Variants in TMOD3 observed in about 807,000 individuals in gnomAD.
TMOD3 encodes tropomodulin-3.
Under a neutral mutation model 39.2 loss-of-function variants are expected in TMOD3, and 20 were observed. The ratio of observed to expected loss-of-function variants is 0.51; its 90% CI spans 0.36 to 0.74. The LOEUF (loss-of-function observed/expected upper bound fraction) is 0.74. Among genes scored for constraint, TMOD3 ranks in the 30% least tolerant of loss-of-function variants. TMOD3 has a pLI of 0.00. For missense variants in TMOD3, 381 were observed against 412.8 expected, an observed-to-expected ratio of 0.92 and a Z score of 0.67; for synonymous variants, 143 against 145.8, an observed-to-expected ratio of 0.98 and a Z score of 0.14.
chr15:51,887,896 C>G lies in TMOD3; in HGVS notation c.406+185C>G, dbSNP rs553838902. On this transcript the variant is annotated intron_variant, in intron 4 of 9. Transcript: ENST00000308580. ...GTAAAGAGTTTCATTTCTCTAAATA[C>G]TCTCAATAGCAAAATGTTTATATTA... is the stretch of plus-strand genomic sequence containing the variant. Among the ~76,000 whole-genome samples the G allele has an allele frequency of 1.7e-4, 26 of 152,326 alleles. 1 individual carries two copies. The East Asian group carries it at 3.3e-3, about 19-fold the overall frequency.
chr15:51,910,096 T>C lies in TMOD3; in HGVS notation c.*1286T>C, dbSNP rs1212548374. On this transcript the variant is annotated 3_prime_UTR_variant, in exon 10 of 10. Coordinates refer to ENST00000308580, the MANE Select transcript of TMOD3 (RefSeq NM_014547.5). The stretch of plus-strand genomic sequence containing the variant: ...TCTGGACTTGTATTCATGTTCTGTC[T>C]CAGGGCAGCCCCTGGAGCAGGAGAT... 1.3e-5 allele frequency: 2 copies of C among 152,264 alleles called. No homozygotes were observed. The highest frequency in any genetic ancestry group is 2.9e-5 in the Non-Finnish European group (2 of 68,106). The allele number at this position is 152,264 out of a possible 1,614,324, so 9.4% of individuals were successfully genotyped here. A position where few individuals can be genotyped will look rare whatever the true frequency, so the allele number is the denominator to read the frequency against.
chr15:51,889,771 G>A (rs567949475), intron 5 of TMOD3, among the ~76,000 whole-genome samples: 1 of 152,258 alleles, frequency 6.6e-6, no homozygotes, highest in African/African-American at 2.4e-5. Context: ...GAGGCTGAGG[G>A]GAGGATGGCT....
intron 1 of TMOD3, among the ~76,000 whole-genome samples, chr15:51,851,531 T>C (rs2056361929): frequency 2.6e-5 from 4 of 152,210 alleles, no homozygotes; most frequent in Admixed American, 2.0e-4. Context: ...TTGATTATCA[T>C]TATTATGGGT....
At chr15:51,887,262 TA>T (rs1294095318) in intron 3 of TMOD3, among the ~76,000 whole-genome samples, 6 of 144,102 alleles carry the variant, frequency 4.2e-5, no homozygotes, top group African/African-American at 1.3e-4. Context: ...TTTTTTTTTT[TA>T]ATCTCTTTAA....
At chr15:51,890,037 T>C (rs2056584300) in intron 5 of TMOD3, among the ~76,000 whole-genome samples, 1 of 152,202 alleles carries the variant, frequency 6.6e-6, no homozygotes, top group Non-Finnish European at 1.5e-5. Flanking sequence ...ATTTTGTATA[T>C]ACCCTTCCAG....
chr15:51,845,876 C>T (rs562517573), intron 1 of TMOD3, among the ~76,000 whole-genome samples: 9 of 152,016 alleles, frequency 5.9e-5, no homozygotes, highest in East Asian at 1.9e-4. Flanking sequence ...AGAAGGACTT[C>T]GGAGTAATCA....
At position 51,869,327 on chromosome 15, in the gene TMOD3, G is replaced by C; in HGVS notation, c.237G>C (p.Glu79Asp). The C allele has an allele frequency of 6.2e-7, 1 of 1,613,988 alleles. No individual in the cohort carries two copies. Among genetic ancestry groups the C allele is most frequent in the South Asian group, 1.1e-5 (1 of 91,056 alleles). ...CATATCTGGAGAAAGAAGCATTGGA[G>C]CATAAAGACAGGGAAGACTATGTGC... ...LLSYLEKEALEHKDREDYVPY... is the reference protein window; with the variant it reads ...LLSYLEKEALDHKDREDYVPY... The change falls in exon 3 of 10, where the codon GAG becomes GAC. Residue 79 changes from glutamate to aspartate, a missense_variant. Physicochemically the swap from Glu to Asp is conservative, Grantham distance 45. Transcript: ENST00000308580.
At chr15:51,843,586 C>T (rs2056322445) in intron 1 of TMOD3, among the ~76,000 whole-genome samples, 1 of 152,156 alleles carries the variant, frequency 6.6e-6, no homozygotes, top group Non-Finnish European at 1.5e-5. Context: ...CTTAGTAAAG[C>T]AGTATTTTTT....
chr15:51,840,787 C>A (rs997270476), intron 1 of TMOD3, among the ~76,000 whole-genome samples: 1 of 152,136 alleles, frequency 6.6e-6, no homozygotes, highest in East Asian at 1.9e-4. Context: ...AGATTGTTGA[C>A]GTTTATAGGC....
chr15:51,854,031 G>C (rs2056376096), intron 1 of TMOD3, among the ~76,000 whole-genome samples: 1 of 152,140 alleles, frequency 6.6e-6, no homozygotes, highest in South Asian at 2.1e-4. Flanking sequence ...GGCCTGTTTG[G>C]AGTATAGGCT....
intron 1 of TMOD3, among the ~76,000 whole-genome samples, chr15:51,845,659 A>T (rs2056332106): frequency 6.6e-6 from 1 of 152,150 alleles, no homozygotes; most frequent in Non-Finnish European, 1.5e-5. Flanking sequence ...CAGTAAGCTG[A>T]GGTGGGAGAA....
rs753664628 is a variant in TMOD3 at position 51,909,130 on chromosome 15, A to G, written c.*320A>G. On this transcript the variant is annotated 3_prime_UTR_variant, in exon 10 of 10. Transcript: ENST00000308580. ...AATAATTTGAACATTGTGAGGACCA[A>G]TCTTTTTTAAATCAAAAGGGATGTT... 4.7e-6 allele frequency: 1 copy of G among 214,980 alleles called. No individual in the cohort carries two copies. 13.3% of individuals were successfully genotyped at this position (214,980 alleles called of 1,614,324 possible).
chr15:51,873,206 A>G (rs1443727173), intron 3 of TMOD3, among the ~76,000 whole-genome samples: 1 of 152,166 alleles, frequency 6.6e-6, no homozygotes, highest in African/African-American at 2.4e-5. Context: ...TAATTCATCT[A>G]TGTCTTATTA....
chr15:51,837,986 T>A (rs1196776669), intron 1 of TMOD3, among the ~76,000 whole-genome samples: 1 of 152,176 alleles, frequency 6.6e-6, no homozygotes, highest in Non-Finnish European at 1.5e-5. Context: ...TGTGAAAGGA[T>A]TTGAACATGA....
At chr15:51,866,061 T>G (rs1297697311) in intron 2 of TMOD3, among the ~76,000 whole-genome samples, 2 of 152,190 alleles carry the variant, frequency 1.3e-5, no homozygotes, top group Non-Finnish European at 2.9e-5. Context: ...TGAAAAGTAA[T>G]TATGATCTAT....
intron 9 of TMOD3, among the ~76,000 whole-genome samples, chr15:51,902,605 G>C (rs1298658007): frequency 6.6e-6 from 1 of 151,282 alleles, no homozygotes; most frequent in East Asian, 1.9e-4. Flanking sequence ...CGAGTAGCTG[G>C]GACTACAGGC....
At chr15:51,850,320 T>C (rs2056355155) in intron 1 of TMOD3, among the ~76,000 whole-genome samples, 1 of 152,176 alleles carries the variant, frequency 6.6e-6, no homozygotes, top group South Asian at 2.1e-4. Flanking sequence ...TGGGATCTGG[T>C]TCCAAGAGGC....
chr15:51,853,861 A>G (rs2056375051), intron 1 of TMOD3, among the ~76,000 whole-genome samples: 1 of 152,070 alleles, frequency 6.6e-6, no homozygotes, highest in Non-Finnish European at 1.5e-5. Flanking sequence ...GGGTGTGAGA[A>G]TGGAGACCAG....
chr15:51,846,850 C>T (rs927897553), intron 1 of TMOD3, among the ~76,000 whole-genome samples: 1 of 152,088 alleles, frequency 6.6e-6, no homozygotes, highest in African/African-American at 2.4e-5. Flanking sequence ...AAACATTTCC[C>T]AGTCTACCCA....
Sources: allele counts gnomAD v4.1 joint callset (sites outside exome capture counted in the v4.1 genomes callset), GRCh38; gene constraint gnomAD v4.1.1; transcripts MANE v1.5; gene names NCBI Gene and HGNC (gene_info 2026-07-23, HGNC 2026-07-21).